The following CERT1 variants were observed in gnomAD, a reference collection of about 807,000 sequenced individuals.
CERT1 encodes the protein ceramide transfer protein.
CERT1 carries 31 observed loss-of-function variants against 87.9 expected under a neutral mutation model. The ratio of observed to expected loss-of-function variants is 0.35; its 90% confidence interval spans 0.27 to 0.48. CERT1 has a LOEUF of 0.48. Among genes scored for constraint, CERT1 ranks in the 20% least tolerant of loss-of-function variants. The pLI, the probability that CERT1 is intolerant of heterozygous loss-of-function variation, is 0.99. For synonymous variants in CERT1, 289 were observed against 250.9 expected, an observed-to-expected ratio of 1.15 and a Z score of -1.44; for missense variants, 487 against 758.0, an observed-to-expected ratio of 0.64 and a Z score of 4.20.
Position 75,419,361 on chromosome 5 carries a change from G to C in CERT1, c.659C>G (p.Thr220Ser). Reference protein sequence around the residue: ...TRSDGDFLHSTNGNKEKLFPH... With the variant: ...TRSDGDFLHSSNGNKEKLFPH... ...CTTACACTTTTCTTTATTGCCGTTG[G>C]TACTATGCAAGAAGTCACCATCAGA... Residue 220 changes from threonine (T) to serine (S), a missense_variant, in exon 6 of 17, where the codon ACC (threonine) becomes AGC (serine). By Grantham distance (58) the Thr-to-Ser change is moderately conservative. This residue lies in a region of CERT1 where 173 missense variants were observed against 302.2 expected (regional missense o/e 0.57). Coordinates refer to ENST00000643780, the MANE Select transcript of CERT1 (RefSeq NM_001379029.1). 5.0e-6 allele frequency: 8 copies of C among 1,611,500 alleles called. No individual in the cohort carries two copies. The highest frequency in any genetic ancestry group is 6.8e-6 in the Non-Finnish European group (8 of 1,177,972).
chr5:75,384,069 C>T (rs1489617242), intron 14 of CERT1, among the ~76,000 whole-genome samples: 1 of 152,138 alleles, frequency 6.6e-6, no homozygotes, highest in Non-Finnish European at 1.5e-5. Context: ...ATCTATTAGT[C>T]TTAACATAGG....
Position 75,511,510 on chromosome 5 carries a change from A to G in CERT1, c.-303T>C, listed in dbSNP as rs1396426090. On this transcript the variant is annotated 5_prime_UTR_variant, in exon 1 of 17. Transcript: ENST00000643780. ...CTGCCACCCGAACTTAGCCCCCTCG[A>G]TGCCAATTTCAAATAGGGAAGGAAA... 6.8e-7 allele frequency: 1 copy of G among 1,476,410 alleles called. No homozygotes were observed. The highest frequency in any genetic ancestry group is 9.0e-7 in the Non-Finnish European group (1 of 1,115,440). 91.5% of individuals were successfully genotyped at this position (1,476,410 alleles called of 1,614,324 possible).
At chr5:75,389,509 A>T in intron 12 of CERT1, 83 bp downstream of exon 12, 1 of 998,322 alleles carries the variant, frequency 1.0e-6, no homozygotes, top group East Asian at 2.4e-5. Context: ...TGAAAGTGCT[A>T]TCCTTATTCA....
At chr5:75,504,221 T>C (rs1312363998) in intron 2 of CERT1, among the ~76,000 whole-genome samples, 1 of 152,042 alleles carries the variant, frequency 6.6e-6, no homozygotes, top group South Asian at 2.1e-4. Flanking sequence ...TCCATTGATA[T>C]GAATAATGAT....
intron 11 of CERT1, 125 bp downstream of exon 11, chr5:75,399,185 A>T (rs954524908): frequency 7.2e-6 from 5 of 697,362 alleles, no homozygotes; most frequent in Middle Eastern, 2.7e-4. Context: ...TTTAATGCTT[A>T]ATGTTACTAT....
At chr5:75,495,539 C>T (rs1303705251) in intron 2 of CERT1, among the ~76,000 whole-genome samples, 1 of 151,788 alleles carries the variant, frequency 6.6e-6, no homozygotes, top group Non-Finnish European at 1.5e-5. Context: ...GCCTGGGCAA[C>T]AGACTGAGAC....
intron 11 of CERT1, among the ~76,000 whole-genome samples, chr5:75,390,808 TC>T (rs888696127): frequency 6.6e-6 from 1 of 151,900 alleles, no homozygotes; most frequent in African/African-American, 2.4e-5. Context: ...ATAATCAACT[TC>T]CCCCCTACCC....
chr5:75,507,113 A>G (rs1291438203), intron 1 of CERT1, among the ~76,000 whole-genome samples: 1 of 151,982 alleles, frequency 6.6e-6, no homozygotes, highest in African/African-American at 2.4e-5. Flanking sequence ...AGATTGATTC[A>G]CTTCTTAAAT....
intron 3 of CERT1, among the ~76,000 whole-genome samples, chr5:75,443,454 TG>T (rs1365264123): frequency 6.6e-6 from 1 of 152,230 alleles, no homozygotes; most frequent in Non-Finnish European, 1.5e-5. Context: ...ATCCACTAGT[TG>T]TTTAACTTCC....
intron 9 of CERT1, chr5:75,401,730 AC>A (rs1762497896): frequency 6.6e-6 from 1 of 152,232 alleles, no homozygotes; most frequent in South Asian, 2.1e-4. Context: ...AACGAAAGAT[AC>A]ACATGAGAAG....
chr5:75,450,880 T>C (rs1167236297), intron 3 of CERT1, among the ~76,000 whole-genome samples: 1 of 152,168 alleles, frequency 6.6e-6, no homozygotes, highest in Non-Finnish European at 1.5e-5. Flanking sequence ...TCCTAAAACA[T>C]AACCCAAGCT....
chr5:75,457,970 T>TGTGTGTG (rs1554042559), intron 3 of CERT1, among the ~76,000 whole-genome samples: 76 of 150,444 alleles, frequency 5.1e-4, no homozygotes, highest in African/African-American at 1.8e-3. Context: ...TGTGTGTGTG[T>TGTGTGTG]GTGTGTGTGT....
chr5:75,509,975 C>G (rs749076094), intron 1 of CERT1, among the ~76,000 whole-genome samples: 3 of 152,196 alleles, frequency 2.0e-5, no homozygotes, highest in Non-Finnish European at 2.9e-5. Flanking sequence ...TCAACACTTG[C>G]AATCCTTAGT....
chr5:75,482,713 G>A (rs1211727503), intron 2 of CERT1, among the ~76,000 whole-genome samples: 2 of 152,172 alleles, frequency 1.3e-5, no homozygotes, highest in Non-Finnish European at 2.9e-5. Context: ...AAAGGGTAGA[G>A]GACAAGAGTT....
intron 11 of CERT1, among the ~76,000 whole-genome samples, chr5:75,396,729 C>CAAAAAAAA (rs375730002): frequency 4.3e-5 from 4 of 92,618 alleles, no homozygotes; most frequent in South Asian, 3.1e-4. Flanking sequence ...AACTCCGTCT[C>CAAAAAAAA]AAAAAAAAAA....
chr5:75,419,188 T>C (rs1763267885), intron 6 of CERT1, among the ~76,000 whole-genome samples, 153 bp downstream of exon 6: 2 of 152,212 alleles, frequency 1.3e-5, no homozygotes, highest in Non-Finnish European at 2.9e-5. Flanking sequence ...CAGAATGTGA[T>C]TTTTACCTGC....
intron 2 of CERT1, among the ~76,000 whole-genome samples, chr5:75,502,085 T>C (rs974575709): frequency 2.0e-5 from 3 of 151,882 alleles, no homozygotes; most frequent in Admixed American, 6.6e-5. Flanking sequence ...ATGTGCCAAA[T>C]GGTTAATTAC....
intron 7 of CERT1, among the ~76,000 whole-genome samples, chr5:75,416,223 T>C (rs1763128599): frequency 6.6e-6 from 1 of 152,196 alleles, no homozygotes; most frequent in African/African-American, 2.4e-5. Context: ...CCTTCTTCTA[T>C]AAAATGATGG....
chr5:75,462,044 T>C (rs934373241), intron 2 of CERT1, among the ~76,000 whole-genome samples: 3 of 152,292 alleles, frequency 2.0e-5, no homozygotes, highest in Middle Eastern at 3.4e-3. Flanking sequence ...TTTTAAAAAA[T>C]ATTGCAATAA....
Sources: gnomAD v4.1 joint callset for allele counts (sites outside exome capture counted in the v4.1 genomes callset) on GRCh38, gnomAD v4.1.1 for gene constraint, gnomAD v4.1.1 regional missense constraint, MANE v1.5 for transcripts, NCBI Gene and HGNC (gene_info 2026-07-23, HGNC 2026-07-21) for gene names.